Variants in CPXM2 observed in about 807,000 individuals in gnomAD.
The protein encoded by CPXM2 is carboxypeptidase X, M14 family member 2.
CPXM2 carries 66 observed loss-of-function variants against 86.1 expected under a neutral mutation model. The ratio of observed to expected loss-of-function variants is 0.77; its 90% CI spans 0.63 to 0.94. The LOEUF is 0.94. CPXM2 is among the 40% of genes least tolerant of loss of function. The pLI, the probability that CPXM2 is intolerant of heterozygous loss-of-function variation, is 0.00. For synonymous variants in CPXM2, 388 were observed against 400.2 expected, an observed-to-expected ratio of 0.97 and a Z score of 0.36; for missense variants, 948 against 1,026.3, an observed-to-expected ratio of 0.92 and a Z score of 1.04.
At chr10:123,784,056 G>A (rs1438488199) in intron 6 of CPXM2, among the ~76,000 whole-genome samples, 1 of 152,158 alleles carries the variant, frequency 6.6e-6, no homozygotes, top group East Asian at 1.9e-4. Flanking sequence ...AGCTATGTTG[G>A]AGTCCTCACC....
At chr10:123,801,304 A>G (rs1356755502) in intron 4 of CPXM2, among the ~76,000 whole-genome samples, 2 of 152,212 alleles carry the variant, frequency 1.3e-5, no homozygotes, top group East Asian at 1.9e-4. Context: ...CAGGTGAGAC[A>G]TGACTGCTCC....
chr10:123,880,625 C>A (rs761170368), intron 1 of CPXM2, among the ~76,000 whole-genome samples: 1 of 151,936 alleles, frequency 6.6e-6, no homozygotes, highest in African/African-American at 2.4e-5. Context: ...GTCAGGAGAT[C>A]AAGACCATCC....
chr10:123,774,600 T>A lies in CPXM2; in HGVS notation c.979-3561A>T, dbSNP rs116751124. 6.0e-3 allele frequency among the ~76,000 whole-genome samples: 909 copies of A among 152,312 alleles called. 5 individuals carry two copies. Among genetic ancestry groups the A allele is most frequent in the African/African-American group, 0.021 (863 of 41,566 alleles). On this transcript the variant is annotated intron_variant, in intron 7 of 13. Transcript: ENST00000241305. Reference sequence around the variant, plus strand: ...AAGATTTACTATAGCCTGGCTTTTATGACATGCCTATGAGAGGTGACAGGT... The same window carrying A: ...AAGATTTACTATAGCCTGGCTTTTAAGACATGCCTATGAGAGGTGACAGGT...
chr10:123,812,831 C>T (rs565336058), intron 4 of CPXM2, among the ~76,000 whole-genome samples: 19 of 152,104 alleles, frequency 1.2e-4, no homozygotes, highest in Non-Finnish European at 2.5e-4. Flanking sequence ...CCTTCCCCAT[C>T]CCCCATCCCC....
At chr10:123,782,244 A>AT (rs1846951478) in intron 6 of CPXM2, among the ~76,000 whole-genome samples, 1 of 152,112 alleles carries the variant, frequency 6.6e-6, no homozygotes, top group African/African-American at 2.4e-5. Context: ...CAAAACATGT[A>AT]TTTTGCATTC....
chr10:123,768,459 A>G, intron 9 of CPXM2, 67 bp downstream of exon 9: 1 of 1,300,368 alleles, frequency 7.7e-7, no homozygotes, highest in Non-Finnish European at 1.1e-6. Flanking sequence ...CCCTAGGGCC[A>G]GACATACTCT....
At position 123,865,176 on chromosome 10, in the gene CPXM2, G is replaced by A. The variant is rs1023313465; in HGVS notation, c.404-2453C>T. On this transcript the variant is annotated intron_variant, in intron 2 of 13. Transcript: ENST00000241305. The surrounding 1 kb of genome is among the most constrained non-coding windows in gnomAD (Gnocchi z 4.7). ...ACACGAACTTGGCCTGCTCGCAAAC[G>A]TAGTCTTACAGGAACCCAATGCTCT... 8.5e-5 allele frequency among the ~76,000 whole-genome samples: 13 copies of A among 152,328 alleles called. No homozygotes were observed. The highest frequency in any genetic ancestry group is 1.8e-4 in the Non-Finnish European group (12 of 68,026).
intron 4 of CPXM2, among the ~76,000 whole-genome samples, chr10:123,828,644 T>C (rs983454261): frequency 2.0e-5 from 3 of 152,238 alleles, no homozygotes; most frequent in Non-Finnish European, 4.4e-5. Context: ...TTCTCTGGTA[T>C]GTCTTTATCA....
intron 7 of CPXM2, among the ~76,000 whole-genome samples, chr10:123,779,699 C>T (rs373079595): frequency 2.6e-5 from 4 of 152,276 alleles, no homozygotes; most frequent in African/African-American, 9.6e-5. Flanking sequence ...TCTCTCAGTG[C>T]TGTTTTCCCA....
At chr10:123,941,936 G>A (rs771772167), upstream of CPXM2, among the ~76,000 whole-genome samples, 8 of 152,326 alleles carry the variant, frequency 5.3e-5, no homozygotes, top group East Asian at 1.9e-4. Context: ...AGATCCCTAT[G>A]GGCATGCCAG....
At chr10:123,771,247 C>A (rs1846622636) in intron 7 of CPXM2, among the ~76,000 whole-genome samples, 1 of 152,130 alleles carries the variant, frequency 6.6e-6, no homozygotes, top group South Asian at 2.1e-4. Flanking sequence ...CTTCCAGCAC[C>A]CGCTCTATCA....
intron 2 of CPXM2, among the ~76,000 whole-genome samples, chr10:123,925,435 G>A (rs1041904406): frequency 5.3e-5 from 8 of 152,162 alleles, no homozygotes; most frequent in African/African-American, 1.7e-4. Flanking sequence ...AAAACACATT[G>A]CCGTCTTGAT....
chr10:123,885,736 T>G lies in CPXM2; in HGVS notation c.305-5427A>C, dbSNP rs1315384490. ...CAGAGGGCAGAGCCATTGCTGGAGATGCCAAGCCTGAATGCTCAGGCTCCC... is the reference window on the plus strand; with the variant it reads ...CAGAGGGCAGAGCCATTGCTGGAGAGGCCAAGCCTGAATGCTCAGGCTCCC... On this transcript the variant is annotated intron_variant, in intron 1 of 13. Transcript: ENST00000241305. This position sits in a 1 kb window ranked among gnomAD's most constrained non-coding sequence, Gnocchi z 4.0. Among the ~76,000 whole-genome samples the G allele has an allele frequency of 6.6e-6, 1 of 152,170 alleles. No homozygotes were observed. The highest frequency in any genetic ancestry group is 1.5e-5 in the Non-Finnish European group (1 of 68,024).
chr10:123,878,506 CGTGTGTGTGTGTGTGTGTGT>C (rs200009107), intron 2 of CPXM2, among the ~76,000 whole-genome samples: 5 of 134,880 alleles, frequency 3.7e-5, no homozygotes, highest in African/African-American at 1.4e-4. Context: ...CAAATTCAGA[CGTGTGTGTGTGTGTGTGTGT>C]GTGTGTGTGT....
intron 2 of CPXM2, among the ~76,000 whole-genome samples, chr10:123,864,947 T>C (rs1848944945): frequency 6.6e-6 from 1 of 152,206 alleles, no homozygotes. Flanking sequence ...AGGTGTTTCA[T>C]GGGTGCACGT....
chr10:123,932,929 C>T (rs746633329), intron 2 of CPXM2, among the ~76,000 whole-genome samples: 1 of 152,176 alleles, frequency 6.6e-6, no homozygotes, highest in Non-Finnish European at 1.5e-5. Context: ...GCATTGTAAG[C>T]CATAACAACT....
chr10:123,851,922 C>T (rs1364671604), intron 3 of CPXM2, among the ~76,000 whole-genome samples: 1 of 152,060 alleles, frequency 6.6e-6, no homozygotes, highest in Non-Finnish European at 1.5e-5. Flanking sequence ...GATGTAGAGG[C>T]TCACTGGAAG....
intron 4 of CPXM2, among the ~76,000 whole-genome samples, chr10:123,813,262 A>G (rs1214724111): frequency 6.6e-6 from 1 of 152,224 alleles, no homozygotes; most frequent in Non-Finnish European, 1.5e-5. Context: ...CAGTTTGCAA[A>G]ATGCTTCCAT....
chr10:123,894,266 C>T (rs556904564), upstream of CPXM2, among the ~76,000 whole-genome samples: 22 of 152,296 alleles, frequency 1.4e-4, no homozygotes, highest in Admixed American at 1.1e-3. Flanking sequence ...AACATATACC[C>T]GCTCTGCAGT....
Sources: gnomAD v4.1 joint callset for allele counts (sites outside exome capture counted in the v4.1 genomes callset) on GRCh38, gnomAD v4.1.1 for gene constraint, Gnocchi (gnomAD v3.1) non-coding constraint, MANE v1.5 for transcripts, NCBI Gene and HGNC (gene_info 2026-07-23, HGNC 2026-07-21) for gene names.